Variants in TAFA1 observed in about 807,000 individuals in gnomAD.
TAFA1 encodes chemokine-like protein TAFA-1.
Under a neutral mutation model 18.5 loss-of-function variants are expected in TAFA1, and 4 were observed. The ratio of observed to expected loss-of-function variants is 0.22; its 90% CI spans 0.11 to 0.49. The LOEUF is 0.49. Among genes scored for constraint, TAFA1 ranks in the 20% least tolerant of loss-of-function variants. The pLI is 0.98. For synonymous variants in TAFA1, 56 were observed against 55.2 expected (o/e 1.01, Z -0.06); for missense variants, 147 against 169.0 (o/e 0.87, Z 0.72).
chr3:68,075,847 C>T (rs1199632999), intron 2 of TAFA1, among the ~76,000 whole-genome samples: 2 of 152,120 alleles, frequency 1.3e-5, no homozygotes, highest in Admixed American at 1.3e-4. Flanking sequence ...CAGGCACATG[C>T]CACCATGCCT....
intron 2 of TAFA1, among the ~76,000 whole-genome samples, chr3:68,136,229 A>AT (rs951760473): frequency 6.6e-6 from 1 of 152,226 alleles, no homozygotes; most frequent in African/African-American, 2.4e-5. Flanking sequence ...TCAGAATTCT[A>AT]TAAGTTTAAA....
intron 3 of TAFA1, among the ~76,000 whole-genome samples, chr3:68,492,021 T>C (rs1467416510): frequency 6.6e-6 from 1 of 152,220 alleles, no homozygotes; most frequent in African/African-American, 2.4e-5. Flanking sequence ...CCTCGATTTA[T>C]GTGTACTTAT....
rs534706651 is a variant in TAFA1, at chr3:68,095,194, T to C, written c.118+88450T>C. Among the ~76,000 whole-genome samples the C allele has an allele frequency of 1.1e-3, 171 of 152,258 alleles. 1 individual carries two copies. The highest frequency in any genetic ancestry group is 2.0e-3 in the Admixed American group (31 of 15,270). The stretch of plus-strand genomic sequence containing the variant: ...CCCACGTTTGATATAGCTCTTAGGT[T>C]CTAACCTCTGCCACTTACAAGTTCT... On this transcript the variant is annotated intron_variant, in intron 2 of 4. Transcript: ENST00000478136.
intron 2 of TAFA1, among the ~76,000 whole-genome samples, chr3:68,031,316 C>A (rs1473595535): frequency 6.6e-6 from 1 of 152,154 alleles, no homozygotes; most frequent in Non-Finnish European, 1.5e-5. Context: ...GGTGACCAAT[C>A]TTATATCCCA....
In TAFA1 at chr3:68,473,230, G is replaced by A. The variant is rs1190885316; in HGVS notation, c.259+55810G>A. On this transcript the variant is annotated intron_variant, in intron 3 of 4. Transcript: ENST00000478136. ...CTTCCACCTTCCAAACTTCACTCAG[G>A]AGCCTCTCACTCACTGTAGCTAGGG... Among the ~76,000 whole-genome samples the A allele has an allele frequency of 3.9e-5, 6 of 152,104 alleles. No homozygotes were observed. The East Asian group carries it at 5.8e-4, about 15-fold the overall frequency.
intron 2 of TAFA1, among the ~76,000 whole-genome samples, chr3:68,119,320 C>G (rs1216429313): frequency 2.0e-5 from 3 of 152,212 alleles, no homozygotes. Flanking sequence ...AATATTTTCT[C>G]TCATTCCATA....
At chr3:68,427,606 A>G (rs1026900097) in intron 3 of TAFA1, among the ~76,000 whole-genome samples, 1 of 151,836 alleles carries the variant, frequency 6.6e-6, no homozygotes, top group Admixed American at 6.6e-5. Context: ...TTAATGATAT[A>G]TATGTTCCTC....
intron 2 of TAFA1, among the ~76,000 whole-genome samples, chr3:68,258,452 A>G (rs2067341999): frequency 2.6e-5 from 4 of 152,138 alleles, no homozygotes; most frequent in Non-Finnish European, 5.9e-5. Flanking sequence ...CTCCCTTTTT[A>G]CAAAATTATG....
chr3:67,993,349 A>G, the TAFA1 span, among the ~76,000 whole-genome samples: 1 of 152,216 alleles, frequency 6.6e-6, no homozygotes, highest in Non-Finnish European at 1.5e-5. Flanking sequence ...TGGAGGTACC[A>G]TATATTTAGA....
At chr3:68,035,993 C>CAG (rs1434418346) in intron 2 of TAFA1, among the ~76,000 whole-genome samples, 1 of 152,072 alleles carries the variant, frequency 6.6e-6, no homozygotes, top group Non-Finnish European at 1.5e-5. Flanking sequence ...TAGTGGTGTC[C>CAG]AGGGGCTAAG....
intron 2 of TAFA1, among the ~76,000 whole-genome samples, chr3:68,095,211 A>T (rs761694757): frequency 1.5e-3 from 221 of 152,250 alleles, no homozygotes; most frequent in Non-Finnish European, 1.6e-3. Flanking sequence ...TCTGCCACTT[A>T]CAAGTTCTCT....
chr3:68,382,072 G>A (rs934058993), intron 2 of TAFA1, among the ~76,000 whole-genome samples: 1 of 152,108 alleles, frequency 6.6e-6, no homozygotes, highest in African/African-American at 2.4e-5. Context: ...TTTATATGCT[G>A]GATTACATTT....
At chr3:68,033,801 A>T (rs1366007719) in intron 2 of TAFA1, among the ~76,000 whole-genome samples, 1 of 152,246 alleles carries the variant, frequency 6.6e-6, no homozygotes, top group Non-Finnish European at 1.5e-5. Flanking sequence ...CTGCTTATAA[A>T]TGCTGGAAAT....
chr3:68,186,106 A>G (rs2066267081), intron 2 of TAFA1, among the ~76,000 whole-genome samples: 2 of 151,988 alleles, frequency 1.3e-5, no homozygotes, highest in South Asian at 2.1e-4. Flanking sequence ...TGGAAAAACA[A>G]CTTTCTCATT....
At chr3:68,232,236 C>A (rs1414349301) in intron 2 of TAFA1, among the ~76,000 whole-genome samples, 3 of 152,148 alleles carry the variant, frequency 2.0e-5, no homozygotes, top group African/African-American at 7.2e-5. Flanking sequence ...CTCTCACAAG[C>A]CTCTAATAAC....
At chr3:68,386,080 C>G (rs979873385) in intron 2 of TAFA1, among the ~76,000 whole-genome samples, 6 of 152,160 alleles carry the variant, frequency 3.9e-5, no homozygotes, top group Non-Finnish European at 1.5e-5. Flanking sequence ...CTTTCACTAT[C>G]TGGCCCTTCA....
In TAFA1 at chr3:68,482,046, T is replaced by G. The variant is rs192893107; in HGVS notation, c.260-56710T>G. 2.2e-3 allele frequency among the ~76,000 whole-genome samples: 335 copies of G among 152,338 alleles called. 4 individuals are homozygous for G. Among genetic ancestry groups the G allele is most frequent in the African/African-American group, 7.6e-3 (316 of 41,580 alleles). On this transcript the variant is annotated intron_variant, in intron 3 of 4. Transcript: ENST00000478136. ...TGTTTTCTGAGACGGAGTCTCGCTC[T>G]GTCGCCCAGGCTGGAGTGCAGTGGC...
intron 2 of TAFA1, among the ~76,000 whole-genome samples, chr3:68,103,962 C>A (rs913151744): frequency 6.6e-6 from 1 of 152,146 alleles, no homozygotes; most frequent in Non-Finnish European, 1.5e-5. Context: ...ACAGCTTCTT[C>A]CCATTGACTT....
chr3:68,150,280 TCTC>T (rs1217193880), intron 2 of TAFA1, among the ~76,000 whole-genome samples: 2 of 152,210 alleles, frequency 1.3e-5, no homozygotes, highest in Non-Finnish European at 2.9e-5. Flanking sequence ...TTCCTACACT[TCTC>T]TGTTTAATCA....
Sources: gnomAD v4.1 joint callset for allele counts (sites outside exome capture counted in the v4.1 genomes callset) on GRCh38, gnomAD v4.1.1 for gene constraint, MANE v1.5 for transcripts, NCBI Gene and HGNC (gene_info 2026-07-23, HGNC 2026-07-21) for gene names.